TBC1D22A: variants seen among roughly 807,000 people sequenced by gnomAD.
The protein encoded by TBC1D22A is putative GTPase activator.
Under a neutral mutation model 60.2 loss-of-function variants are expected in TBC1D22A, and 38 were observed. That is an observed-to-expected ratio of 0.63 (90% CI 0.49 to 0.83). The LOEUF (loss-of-function observed/expected upper bound fraction) is 0.83, where lower values mean the gene tolerates loss of function less well. Ranked by LOEUF, TBC1D22A falls within the 40% of genes least tolerant of loss-of-function variation. The pLI is 0.00. For missense variants in TBC1D22A, 628 were observed against 701.0 expected, an observed-to-expected ratio of 0.90 and a Z score of 1.18; for synonymous variants, 302 against 281.7, an observed-to-expected ratio of 1.07 and a Z score of -0.72.
intron 10 of TBC1D22A, among the ~76,000 whole-genome samples, chr22:47,014,511 G>C (rs1186262453): frequency 2.0e-5 from 3 of 152,208 alleles, no homozygotes; most frequent in Non-Finnish European, 4.4e-5. Context: ...GGTAGGGGCA[G>C]CTCCCTCCAG....
At chr22:47,008,711 G>A (rs2061660574) in intron 10 of TBC1D22A, among the ~76,000 whole-genome samples, 1 of 152,224 alleles carries the variant, frequency 6.6e-6, no homozygotes, top group Admixed American at 6.5e-5. Flanking sequence ...TCTCAGGGCG[G>A]CCAGTGCTGG....
intron 11 of TBC1D22A, among the ~76,000 whole-genome samples, chr22:47,060,209 C>T (rs1296348471): frequency 6.6e-6 from 1 of 151,716 alleles, no homozygotes; most frequent in African/African-American, 2.4e-5. Context: ...CTCCCTTCAG[C>T]CTCTGCGGCC....
At chr22:47,122,329 G>T (rs1000615691) in intron 12 of TBC1D22A, among the ~76,000 whole-genome samples, 4 of 152,184 alleles carry the variant, frequency 2.6e-5, no homozygotes, top group African/African-American at 9.7e-5. Context: ...GCCTGTAGAT[G>T]ACATAAGGGC....
At chr22:46,993,461 G>T (rs772803442) in intron 9 of TBC1D22A, among the ~76,000 whole-genome samples, 15 of 152,192 alleles carry the variant, frequency 9.9e-5, no homozygotes, top group Non-Finnish European at 2.1e-4. Flanking sequence ...TTTATGAAGG[G>T]AATAATGTTA....
intron 7 of TBC1D22A, among the ~76,000 whole-genome samples, chr22:46,897,064 T>C (rs9627608): frequency 0.11 from 17,239 of 152,180 alleles, 1,604 homozygotes; most frequent in African/African-American, 0.26. Context: ...GAATTTCCCC[T>C]ATGAAGCGTC....
chr22:46,993,244 G>C (rs1364763504), intron 9 of TBC1D22A, among the ~76,000 whole-genome samples: 1 of 152,212 alleles, frequency 6.6e-6, no homozygotes, highest in Non-Finnish European at 1.5e-5. Flanking sequence ...ATCGGGAAGA[G>C]TGTGATGTTG....
intron 12 of TBC1D22A, among the ~76,000 whole-genome samples, chr22:47,165,646 C>T (rs2068176986): frequency 6.6e-6 from 1 of 152,158 alleles, no homozygotes; most frequent in Non-Finnish European, 1.5e-5. Context: ...CTGCATGCCT[C>T]CTGGGACAAG....
intron 11 of TBC1D22A, among the ~76,000 whole-genome samples, chr22:47,060,397 A>G (rs5767463): frequency 0.4 from 60,243 of 151,098 alleles, 12,574 homozygotes; most frequent in East Asian, 0.6. Flanking sequence ...GCCCACCACC[A>G]TGCCCAGCTA....
chr22:47,128,767 C>T (rs2066583100), intron 12 of TBC1D22A, among the ~76,000 whole-genome samples: 1 of 152,166 alleles, frequency 6.6e-6, no homozygotes, highest in East Asian at 1.9e-4. Flanking sequence ...CGGACAGTCA[C>T]GTGGACTCCG....
intron 4 of TBC1D22A, among the ~76,000 whole-genome samples, chr22:46,872,005 A>G (rs545792513): frequency 9.9e-5 from 15 of 152,206 alleles, no homozygotes; most frequent in Non-Finnish European, 1.8e-4. Flanking sequence ...ACAGACATTA[A>G]AAAGGTAATA....
At chr22:47,152,363 A>G (rs1185664003) in intron 12 of TBC1D22A, among the ~76,000 whole-genome samples, 1 of 152,188 alleles carries the variant, frequency 6.6e-6, no homozygotes, top group Non-Finnish European at 1.5e-5. Flanking sequence ...CCCTGGGGGC[A>G]CCGTGTCAGA....
chr22:46,774,890 C>T (rs575872495), intron 1 of TBC1D22A, among the ~76,000 whole-genome samples: 2 of 152,316 alleles, frequency 1.3e-5, no homozygotes, highest in African/African-American at 2.4e-5. Flanking sequence ...GGAGCCCGGC[C>T]GATGCTGATA....
At chr22:46,987,006 G>T (rs1434312183) in intron 9 of TBC1D22A, among the ~76,000 whole-genome samples, 3 of 152,186 alleles carry the variant, frequency 2.0e-5, no homozygotes, top group Non-Finnish European at 2.9e-5. Flanking sequence ...CCCACTCCTG[G>T]CCTCTCCACG....
At chr22:47,113,823 A>G (rs2065934362) in intron 12 of TBC1D22A, among the ~76,000 whole-genome samples, 1 of 152,130 alleles carries the variant, frequency 6.6e-6, no homozygotes, top group Non-Finnish European at 1.5e-5. Flanking sequence ...TGAGCCCCTC[A>G]GGGTGAAGGA....
intron 12 of TBC1D22A, among the ~76,000 whole-genome samples, chr22:47,125,397 T>C (rs922752043): frequency 3.9e-5 from 6 of 152,248 alleles, no homozygotes; most frequent in African/African-American, 1.2e-4. Flanking sequence ...GAGCATCTTC[T>C]GTTCCTAGTC....
chr22:46,954,618 G>A (rs773869298), intron 8 of TBC1D22A, among the ~76,000 whole-genome samples: 8 of 152,296 alleles, frequency 5.3e-5, no homozygotes, highest in South Asian at 4.1e-4. Flanking sequence ...TGAGGACGCC[G>A]AGCTGAGTGA....
intron 10 of TBC1D22A, among the ~76,000 whole-genome samples, chr22:47,010,331 C>T (rs1402565590): frequency 6.6e-6 from 1 of 151,384 alleles, no homozygotes; most frequent in Admixed American, 6.6e-5. Flanking sequence ...GGCAGCGTGG[C>T]TCCCTCCCCC....
intron 4 of TBC1D22A, among the ~76,000 whole-genome samples, chr22:46,853,023 C>T (rs552617022): frequency 2.0e-5 from 3 of 152,288 alleles, no homozygotes; most frequent in South Asian, 2.1e-4. Context: ...GTTGGGAGCA[C>T]GATTCCTTTG....
chr22:47,100,647 C>G, intron 11 of TBC1D22A, among the ~76,000 whole-genome samples: 1 of 152,176 alleles, frequency 6.6e-6, no homozygotes, highest in Non-Finnish European at 1.5e-5. Context: ...TTTGGCCTGC[C>G]ACCATCCACG....
Sources: allele counts gnomAD v4.1 joint callset (sites outside exome capture counted in the v4.1 genomes callset), GRCh38; gene constraint gnomAD v4.1.1; transcripts MANE v1.5; gene names NCBI Gene and HGNC (gene_info 2026-07-23, HGNC 2026-07-21).